Variants in GNB4 observed in about 807,000 individuals in gnomAD.
GNB4 encodes guanine nucleotide-binding protein subunit beta-4.
Under a neutral mutation model 45.2 loss-of-function variants are expected in GNB4, and 28 were observed. The ratio of observed to expected loss-of-function variants is 0.62; its 90% CI spans 0.46 to 0.85. GNB4 has a LOEUF of 0.85. GNB4 is among the 40% of genes least tolerant of loss of function. The probability of loss-of-function intolerance (pLI) is 0.00; values close to 1 mark genes in which losing one functional copy is unlikely to be tolerated. For missense variants in GNB4, 321 were observed against 425.4 expected (o/e 0.75, Z 2.16); for synonymous variants, 132 against 143.7 (o/e 0.92, Z 0.58).
chr3:179,499,854 T>A, the GNB4 span, among the ~76,000 whole-genome samples: 14 of 150,504 alleles, frequency 9.3e-5, no homozygotes, highest in African/African-American at 3.5e-4. Context: ...TTTTTTCACA[T>A]GTTTGTTGGC....
intron 3 of GNB4, among the ~76,000 whole-genome samples, chr3:179,420,502 GC>G (rs1714947404): frequency 6.7e-6 from 1 of 148,734 alleles, no homozygotes; most frequent in Non-Finnish European, 1.5e-5. Flanking sequence ...CACTCTTCTC[GC>G]CCAGGCTGGA....
At chr3:179,479,024 G>A in the GNB4 span, among the ~76,000 whole-genome samples, 1 of 152,082 alleles carries the variant, frequency 6.6e-6, no homozygotes, top group African/African-American at 2.4e-5. Flanking sequence ...GCTTCCTGTA[G>A]TGCCTGCAGA....
At chr3:179,499,035 T>C in the GNB4 span, among the ~76,000 whole-genome samples, 7 of 152,150 alleles carry the variant, frequency 4.6e-5, no homozygotes, top group Admixed American at 3.9e-4. Context: ...TCTGTTCTTG[T>C]TAGTTTGCTG....
At chr3:179,471,867 T>C in the GNB4 span, among the ~76,000 whole-genome samples, 4,085 of 152,286 alleles carry the variant, frequency 0.027, 153 homozygotes, top group African/African-American at 0.086. Flanking sequence ...TAGTACACCC[T>C]TTCTGCAAGA....
At chr3:179,481,796 G>C in the GNB4 span, among the ~76,000 whole-genome samples, 1 of 152,132 alleles carries the variant, frequency 6.6e-6, no homozygotes, top group Non-Finnish European at 1.5e-5. Context: ...CAAAGTCGAC[G>C]TGATTCACTC....
At chr3:179,425,995 GACC>G in intron 2 of GNB4, 146 bp downstream of exon 2, 1 of 619,824 alleles carries the variant, frequency 1.6e-6, no homozygotes, top group Non-Finnish European at 2.8e-6. Context: ...AACACAAATA[GACC>G]TCAGTTCTTA....
intron 6 of GNB4, 89 bp downstream of exon 6, chr3:179,414,796 C>T (rs1714749241): frequency 9.4e-7 from 1 of 1,059,048 alleles, no homozygotes; most frequent in South Asian, 2.8e-5. Flanking sequence ...CATCCTTTAG[C>T]CAGCCGAGCA....
upstream of GNB4, among the ~76,000 whole-genome samples, chr3:179,451,991 G>A (rs1053301681): frequency 6.6e-6 from 1 of 152,110 alleles, no homozygotes; most frequent in Non-Finnish European, 1.5e-5. Flanking sequence ...GTACCGTCTC[G>A]GGCCTAAGTT....
chr3:179,523,695 G>A, the GNB4 span, among the ~76,000 whole-genome samples: 9,732 of 152,162 alleles, frequency 0.064, 428 homozygotes, highest in African/African-American at 0.13. Context: ...GCAGGGTAAG[G>A]GTGATTAGGT....
At chr3:179,478,106 G>C in the GNB4 span, among the ~76,000 whole-genome samples, 1 of 152,134 alleles carries the variant, frequency 6.6e-6, no homozygotes, top group Non-Finnish European at 1.5e-5. Context: ...AAGACAGAAG[G>C]GCAAGCGAAG....
chr3:179,498,322 A>G, the GNB4 span, among the ~76,000 whole-genome samples: 2 of 152,228 alleles, frequency 1.3e-5, no homozygotes, highest in Non-Finnish European at 2.9e-5. Flanking sequence ...GGTCAGAGGG[A>G]GAAGTTAAAC....
At chr3:179,431,521 T>G (rs1034821898) in intron 1 of GNB4, among the ~76,000 whole-genome samples, 1 of 144,614 alleles carries the variant, frequency 6.9e-6, no homozygotes, top group African/African-American at 2.6e-5. Flanking sequence ...ATTGCGCCAC[T>G]GCACTCCAGC....
In GNB4 at chr3:179,421,639, A is replaced by C. The variant is rs1015890202; in HGVS notation, c.58-712T>G. ...GAACGCACAAGATGTTTGCTGAATA[A>C]ATGTCCCAAATGGACAACTTGTTCC... On this transcript the variant is annotated intron_variant, in intron 2 of 9. Coordinates refer to ENST00000232564, the MANE Select transcript of GNB4 (RefSeq NM_021629.4). Among the ~76,000 whole-genome samples, 4 of 152,246 alleles carry C rather than the reference A, an allele frequency of 2.6e-5. No individual in the cohort carries two copies. In the South Asian group the frequency reaches 8.3e-4, roughly 31 times the overall value.
chr3:179,466,297 C>T, the GNB4 span, among the ~76,000 whole-genome samples: 13 of 152,132 alleles, frequency 8.5e-5, no homozygotes, highest in African/African-American at 2.9e-4. Flanking sequence ...AGGCATGAGC[C>T]ACCGCACCTG....
At chr3:179,442,566 AT>A (rs887437442) in intron 1 of GNB4, among the ~76,000 whole-genome samples, 75 of 151,382 alleles carry the variant, frequency 5.0e-4, no homozygotes, top group African/African-American at 1.5e-3. Flanking sequence ...TATCTCTTGG[AT>A]TTTTTTTTAT....
At chr3:179,514,339 C>T in the GNB4 span, among the ~76,000 whole-genome samples, 1 of 152,166 alleles carries the variant, frequency 6.6e-6, no homozygotes, top group Non-Finnish European at 1.5e-5. Flanking sequence ...GCAAACAACG[C>T]TTGATGAATT....
chr3:179,483,706 A>G, the GNB4 span, among the ~76,000 whole-genome samples: 1 of 152,104 alleles, frequency 6.6e-6, no homozygotes, highest in Non-Finnish European at 1.5e-5. Flanking sequence ...ACTGGACAAA[A>G]TTTTTATCTC....
At chr3:179,420,544 C>T (rs185664944) in intron 3 of GNB4, among the ~76,000 whole-genome samples, 147 of 151,636 alleles carry the variant, frequency 9.7e-4, no homozygotes, top group African/African-American at 3.4e-3. Flanking sequence ...CTCACTGCAA[C>T]CTCTGCCTCC....
chr3:179,464,659 C>A, the GNB4 span: 1 of 1,101,118 alleles, frequency 9.1e-7, no homozygotes, highest in East Asian at 2.4e-5. Context: ...ATTGTGAAAC[C>A]AGCTTCAATT....
Sources: gnomAD v4.1 joint callset for allele counts (sites outside exome capture counted in the v4.1 genomes callset) on GRCh38, gnomAD v4.1.1 for gene constraint, MANE v1.5 for transcripts, NCBI Gene and HGNC (gene_info 2026-07-23, HGNC 2026-07-21) for gene names.